Variants in MBTD1 observed in about 807,000 individuals in gnomAD.
The protein encoded by MBTD1 is mbt domain containing 1, also known as MBT domain-containing protein 1.
In MBTD1, 24 loss-of-function variants were observed where a neutral mutation model predicts 87.8. That is an observed-to-expected ratio of 0.27 (90% CI 0.20 to 0.38). MBTD1 has a LOEUF of 0.38. Among genes scored for constraint, MBTD1 ranks in the 10% least tolerant of loss-of-function variants. The pLI, the probability that MBTD1 is intolerant of heterozygous loss-of-function variation, is 1.00. For synonymous variants in MBTD1, 237 were observed against 248.6 expected, an observed-to-expected ratio of 0.95 and a Z score of 0.44; for missense variants, 436 against 760.2, an observed-to-expected ratio of 0.57 and a Z score of 5.02.
intron 16 of MBTD1, among the ~76,000 whole-genome samples, 200 bp from the exon 17 acceptor site, chr17:51,180,894 G>A (rs1175976074): frequency 1.3e-5 from 2 of 152,098 alleles, no homozygotes; most frequent in East Asian, 3.9e-4. Flanking sequence ...TCAATGAAAT[G>A]TTCGCAGTAA....
Position 51,204,688 on chromosome 17 carries a change from A to C in MBTD1, c.605-763T>G, listed in dbSNP as rs937889171. On this transcript the variant is annotated intron_variant, in intron 7 of 16. Transcript: ENST00000586178. ...CAGCTAATTTTTGTATTTTGTAGAG[A>C]TGGGGTTTCACCATGTTGGCCAGGC... 2.2e-4 allele frequency among the ~76,000 whole-genome samples: 34 copies of C among 151,940 alleles called. 2 individuals carry two copies.
chr17:51,239,020 A>G (rs1347381016), intron 2 of MBTD1, among the ~76,000 whole-genome samples: 1 of 152,060 alleles, frequency 6.6e-6, no homozygotes, highest in Non-Finnish European at 1.5e-5. Context: ...GAACTGCTTG[A>G]ACTTTGGAGG....
chr17:51,224,540 C>T (rs949095507), intron 3 of MBTD1, among the ~76,000 whole-genome samples: 1 of 152,134 alleles, frequency 6.6e-6, no homozygotes, highest in African/African-American at 2.4e-5. Flanking sequence ...AATGAAACTG[C>T]TTCCTTTTTC....
At chr17:51,255,266 G>A (rs952767334) in intron 2 of MBTD1, among the ~76,000 whole-genome samples, 1 of 151,650 alleles carries the variant, frequency 6.6e-6, no homozygotes, top group Non-Finnish European at 1.5e-5. Flanking sequence ...GGGCAACAGA[G>A]CAAGACTCCA....
intron 2 of MBTD1, among the ~76,000 whole-genome samples, chr17:51,255,496 C>G (rs995059714): frequency 6.6e-6 from 1 of 151,708 alleles, no homozygotes; most frequent in Admixed American, 6.6e-5. Context: ...TAAACACATA[C>G]AGATACACAA....
intron 16 of MBTD1, among the ~76,000 whole-genome samples, chr17:51,180,898 G>A (rs1270591738): frequency 4.6e-5 from 7 of 152,078 alleles, no homozygotes; most frequent in African/African-American, 1.2e-4. Context: ...TGAAATGTTC[G>A]CAGTAATGGT....
At chr17:51,181,718 T>C (rs2050321077) in intron 16 of MBTD1, among the ~76,000 whole-genome samples, 1 of 152,208 alleles carries the variant, frequency 6.6e-6, no homozygotes, top group East Asian at 1.9e-4. Context: ...TGGCTAATGC[T>C]TACAGTCCCA....
chr17:51,241,731 TTA>T (rs548542474), intron 2 of MBTD1, among the ~76,000 whole-genome samples: 20 of 152,144 alleles, frequency 1.3e-4, no homozygotes, highest in South Asian at 8.3e-4. Flanking sequence ...GCCAGGCTAT[TTA>T]TTTTTTTATT....
At position 51,192,842 on chromosome 17, in the gene MBTD1, G is replaced by C. The variant is rs1337788478; in HGVS notation, c.1630C>G (p.Leu544Val). 3 of 1,614,154 alleles carry C rather than the reference G, an allele frequency of 1.9e-6. No homozygotes were observed. The Admixed American group carries it at 5.0e-5, about 27-fold the overall frequency. The stretch of plus-strand genomic sequence containing the variant: ...AACTGACACCACCCTACAGGATAGA[G>C]GTCAGGTGACTCACAGTCTACCCAC... The part of the protein sequence containing the change: ...DQWVDCESPD[L>V]YPVGWCQLTG... Residue 544 changes from leucine to valine, a missense_variant, in exon 15 of 17, where the codon CTC becomes GTC. This residue lies in a region of MBTD1 where 80 missense variants were observed against 182.2 expected (regional missense o/e 0.44). Transcript: ENST00000586178.
At chr17:51,196,376 A>T (rs568322148) in intron 12 of MBTD1, among the ~76,000 whole-genome samples, 1 of 151,598 alleles carries the variant, frequency 6.6e-6, no homozygotes, top group East Asian at 2.0e-4. Flanking sequence ...GGTATGGGCC[A>T]CCACGCCCAG....
At chr17:51,256,175 C>A (rs987534001) in intron 2 of MBTD1, 1 of 152,166 alleles carries the variant, frequency 6.6e-6, no homozygotes, top group African/African-American at 2.4e-5. Context: ...TCTTTTATAG[C>A]AGCTTACTTT....
chr17:51,240,115 C>A (rs2054079560), intron 2 of MBTD1, among the ~76,000 whole-genome samples: 1 of 152,060 alleles, frequency 6.6e-6, no homozygotes, highest in Non-Finnish European at 1.5e-5. Context: ...AAATCTATAA[C>A]TGTTCTCAAA....
At chr17:51,191,834 G>C (rs1380542232) in intron 16 of MBTD1, 1 of 187,016 alleles carries the variant, frequency 5.3e-6, no homozygotes, top group Non-Finnish European at 1.1e-5. Context: ...GCCAGCCTCG[G>C]CCTCCTAAAG....
At chr17:51,241,524 T>C (rs766531500) in intron 2 of MBTD1, among the ~76,000 whole-genome samples, 13 of 152,120 alleles carry the variant, frequency 8.5e-5, no homozygotes, top group Non-Finnish European at 1.5e-4. Context: ...CTTTTTTCTC[T>C]TTTTATTTAT....
chr17:51,186,916 T>A (rs978867242), intron 16 of MBTD1, among the ~76,000 whole-genome samples: 1 of 152,138 alleles, frequency 6.6e-6, no homozygotes, highest in Non-Finnish European at 1.5e-5. Context: ...TTAGGTAGCA[T>A]TTCATAGCTC....
intron 6 of MBTD1, among the ~76,000 whole-genome samples, chr17:51,207,681 A>C (rs2051928587): frequency 6.6e-6 from 1 of 152,174 alleles, no homozygotes; most frequent in African/African-American, 2.4e-5. Context: ...TCCCACAGCA[A>C]ATGGTTAAGA....
chr17:51,198,857 C>A (rs1248705905), intron 12 of MBTD1, among the ~76,000 whole-genome samples: 2 of 152,158 alleles, frequency 1.3e-5, no homozygotes, highest in East Asian at 3.8e-4. Context: ...GGCCGAAGTG[C>A]AGTGGCTCGA....
At chr17:51,189,658 A>G (rs1391672948) in intron 16 of MBTD1, among the ~76,000 whole-genome samples, 2 of 152,238 alleles carry the variant, frequency 1.3e-5, no homozygotes, top group Non-Finnish European at 2.9e-5. Flanking sequence ...ATAGCCACTG[A>G]GTAATAAAAA....
chr17:51,212,653 G>GAA (rs11420890), intron 6 of MBTD1, among the ~76,000 whole-genome samples: 21 of 151,084 alleles, frequency 1.4e-4, no homozygotes, highest in African/African-American at 2.4e-4. Context: ...CAATACCCAG[G>GAA]AAAAAAAAAG....
Sources: allele counts gnomAD v4.1 joint callset (sites outside exome capture counted in the v4.1 genomes callset), GRCh38; gene constraint gnomAD v4.1.1; regional missense constraint gnomAD v4.1.1; transcripts MANE v1.5; gene names NCBI Gene and HGNC (gene_info 2026-07-23, HGNC 2026-07-21).